ZNF385D: variants seen among roughly 807,000 people sequenced by gnomAD.
ZNF385D encodes the protein zinc finger protein 385D, also known as zinc finger protein 659.
Under a neutral mutation model 35.8 loss-of-function variants are expected in ZNF385D, and 15 were observed. That is an observed-to-expected ratio of 0.42 (90% CI 0.28 to 0.64). ZNF385D has a LOEUF of 0.64. Among genes scored for constraint, ZNF385D ranks in the 30% least tolerant of loss-of-function variants. The probability of loss-of-function intolerance (pLI) is 0.23; values close to 1 mark genes in which losing one functional copy is unlikely to be tolerated. For missense variants in ZNF385D, 474 were observed against 494.6 expected, an observed-to-expected ratio of 0.96 and a Z score of 0.39; for synonymous variants, 212 against 186.8, an observed-to-expected ratio of 1.13 and a Z score of -1.10.
intron 2 of ZNF385D, among the ~76,000 whole-genome samples, chr3:21,574,608 A>G (rs1432741546): frequency 6.6e-6 from 1 of 152,144 alleles, no homozygotes; most frequent in East Asian, 1.9e-4. Context: ...ATCATTATAA[A>G]TATAGTGAAA....
intron 1 of ZNF385D, among the ~76,000 whole-genome samples, chr3:21,694,718 T>C (rs940754972): frequency 4.6e-5 from 7 of 152,224 alleles, no homozygotes; most frequent in Non-Finnish European, 8.8e-5. Context: ...TGACAGTGAT[T>C]AAGCATAACT....
At chr3:21,902,235 C>A (rs998723919) in intron 3 of ZNF385D, among the ~76,000 whole-genome samples, 5 of 152,274 alleles carry the variant, frequency 3.3e-5, no homozygotes, top group African/African-American at 1.2e-4. Context: ...CAATGGTCAT[C>A]ATGGTCTCAA....
intron 1 of ZNF385D, among the ~76,000 whole-genome samples, chr3:21,713,313 C>T (rs552507500): frequency 5.3e-5 from 8 of 152,276 alleles, no homozygotes; most frequent in Non-Finnish European, 8.8e-5. Flanking sequence ...ATTGAGAGCC[C>T]AAACTTGAGT....
chr3:21,853,563 G>C (rs1696526466), intron 3 of ZNF385D, among the ~76,000 whole-genome samples: 1 of 143,376 alleles, frequency 7.0e-6, no homozygotes, highest in Non-Finnish European at 1.5e-5. Context: ...AAATGCCTCA[G>C]TACGTAATTG....
rs1004327718 is a variant in ZNF385D, at chr3:22,344,077, T to C, written c.106+28373A>G. On this transcript the variant is annotated intron_variant, in intron 2 of 5. Transcript: ENST00000494108. ...CCCTCTTTGCAGTGAACTAATTGCA[T>C]ATATTGTATATCAGTCCTGTGAAAA... 3.3e-5 allele frequency among the ~76,000 whole-genome samples: 5 copies of C among 152,100 alleles called. No individual in the cohort carries two copies. The East Asian group carries it at 9.7e-4, about 29-fold the overall frequency.
chr3:22,129,230 G>A (rs1576368645), intron 3 of ZNF385D, among the ~76,000 whole-genome samples: 1 of 152,284 alleles, frequency 6.6e-6, no homozygotes, highest in Non-Finnish European at 1.5e-5. Context: ...AGCTGGAGGA[G>A]TGGTGACACA....
intron 2 of ZNF385D, among the ~76,000 whole-genome samples, chr3:22,285,243 T>C (rs1260066332): frequency 6.6e-6 from 1 of 152,178 alleles, no homozygotes; most frequent in African/African-American, 2.4e-5. Flanking sequence ...ATGTTTTTGG[T>C]GATAAGAGGC....
At chr3:21,956,795 T>G (rs1050106728) in intron 3 of ZNF385D, among the ~76,000 whole-genome samples, 1 of 151,606 alleles carries the variant, frequency 6.6e-6, no homozygotes, top group Non-Finnish European at 1.5e-5. Context: ...TCTAAGACCT[T>G]CAACAAAAGC....
intron 3 of ZNF385D, among the ~76,000 whole-genome samples, chr3:22,037,494 G>A (rs1211120536): frequency 2.6e-5 from 4 of 152,008 alleles, no homozygotes; most frequent in African/African-American, 9.7e-5. Flanking sequence ...GTGTCTGTTG[G>A]CTGCATAAAT....
chr3:22,022,293 T>C (rs1697268445), intron 3 of ZNF385D, among the ~76,000 whole-genome samples: 1 of 152,132 alleles, frequency 6.6e-6, no homozygotes, highest in Non-Finnish European at 1.5e-5. Context: ...TTTTAATTCA[T>C]AAGTTTATCG....
intron 3 of ZNF385D, among the ~76,000 whole-genome samples, chr3:21,800,873 C>T (rs1273462011): frequency 6.6e-6 from 1 of 151,724 alleles, no homozygotes; most frequent in African/African-American, 2.4e-5. Context: ...CTTTTTCTTG[C>T]CTAATTGCTA....
chr3:21,939,390 A>T (rs1303872561), intron 3 of ZNF385D, among the ~76,000 whole-genome samples: 1 of 152,182 alleles, frequency 6.6e-6, no homozygotes, highest in Non-Finnish European at 1.5e-5. Flanking sequence ...GTGAAAATGG[A>T]ATCAAAACAT....
intron 3 of ZNF385D, among the ~76,000 whole-genome samples, chr3:22,087,135 T>C (rs1249626467): frequency 6.6e-6 from 1 of 152,166 alleles, no homozygotes; most frequent in Admixed American, 6.6e-5. Context: ...TGTGTAATTA[T>C]GAGATCTTTT....
At chr3:21,866,543 T>G (rs542357719) in intron 3 of ZNF385D, among the ~76,000 whole-genome samples, 29 of 152,298 alleles carry the variant, frequency 1.9e-4, no homozygotes, top group Middle Eastern at 3.4e-3. Context: ...CATACTCAAC[T>G]GGAGCAAGGG....
At chr3:22,199,499 T>C (rs1489552977) in intron 2 of ZNF385D, among the ~76,000 whole-genome samples, 4 of 152,074 alleles carry the variant, frequency 2.6e-5, no homozygotes, top group Non-Finnish European at 4.4e-5. Context: ...GCAGCTTCCA[T>C]AGAGTCAGGA....
chr3:21,652,859 A>G (rs888084016), intron 2 of ZNF385D, among the ~76,000 whole-genome samples: 5 of 152,244 alleles, frequency 3.3e-5, no homozygotes, highest in African/African-American at 1.2e-4. Flanking sequence ...ATGATATACT[A>G]AATAACAATG....
chr3:21,678,650 A>G (rs2066804715), intron 1 of ZNF385D, among the ~76,000 whole-genome samples: 1 of 152,120 alleles, frequency 6.6e-6, no homozygotes, highest in Admixed American at 6.6e-5. Flanking sequence ...TTGAACGGAC[A>G]TTAATCCCAA....
At chr3:22,120,415 A>G (rs1358364) in intron 3 of ZNF385D, among the ~76,000 whole-genome samples, 31,022 of 151,964 alleles carry the variant, frequency 0.2, 3,476 homozygotes, top group East Asian at 0.41. Flanking sequence ...TGGATTAAGG[A>G]CTATACCCTT....
chr3:21,818,452 A>C (rs1230575065), intron 3 of ZNF385D, among the ~76,000 whole-genome samples: 1 of 152,168 alleles, frequency 6.6e-6, no homozygotes, highest in Non-Finnish European at 1.5e-5. Context: ...TCTGAACACT[A>C]ACTGGTTATT....
Sources: allele counts gnomAD v4.1 joint callset (sites outside exome capture counted in the v4.1 genomes callset), GRCh38; gene constraint gnomAD v4.1.1; transcripts MANE v1.5; gene names NCBI Gene and HGNC (gene_info 2026-07-23, HGNC 2026-07-21).